KCNT2: variants seen among roughly 807,000 people sequenced by gnomAD.
KCNT2 encodes the protein potassium sodium-activated channel subfamily T member 2.
In KCNT2, 67 loss-of-function variants were observed where a neutral mutation model predicts 153.8. That is an observed-to-expected ratio of 0.44 (90% CI 0.36 to 0.53). KCNT2 has a LOEUF of 0.53. Ranked by LOEUF, KCNT2 falls within the 20% of genes least tolerant of loss-of-function variation. The pLI is 0.00. For missense variants in KCNT2, 975 were observed against 1,354.8 expected (o/e 0.72, Z 4.40); for synonymous variants, 500 against 458.8 (o/e 1.09, Z -1.15).
At chr1:196,499,780 G>A (rs779474232) in intron 1 of KCNT2, among the ~76,000 whole-genome samples, 1 of 152,048 alleles carries the variant, frequency 6.6e-6, no homozygotes, top group Non-Finnish European at 1.5e-5. Flanking sequence ...TTTAATAAAT[G>A]TTTATAAAGT....
Position 196,383,325 on chromosome 1 carries a change from CTA to C in KCNT2, c.1295-10079_1295-10078del, listed in dbSNP as rs576525696. On this transcript the variant is annotated intron_variant, in intron 13 of 27. Transcript: ENST00000294725. ...CCAAACTATGTATATGCTTAGTAGT[CTA>C]TATGTTTTCCAAAGAGACAGTCCAC... 1.4e-4 allele frequency among the ~76,000 whole-genome samples: 21 copies of C among 152,256 alleles called. No homozygotes were observed. In the South Asian group the frequency reaches 3.1e-3, roughly 23 times the overall value.
chr1:196,228,407 C>T, intron 27 of KCNT2, 72 bp from the exon 28 acceptor site: 1 of 746,764 alleles, frequency 1.3e-6, no homozygotes. Flanking sequence ...ACTGACACTT[C>T]ATATTTCTAA....
chr1:196,547,482 A>T (rs1657262010), intron 1 of KCNT2, among the ~76,000 whole-genome samples: 1 of 152,026 alleles, frequency 6.6e-6, no homozygotes, highest in Non-Finnish European at 1.5e-5. Context: ...GACTTGTAAA[A>T]TCTAATAGCT....
intron 8 of KCNT2, among the ~76,000 whole-genome samples, chr1:196,455,909 C>T (rs2148634710): frequency 6.6e-6 from 1 of 152,160 alleles, no homozygotes; most frequent in Admixed American, 6.6e-5. Context: ...CTCAGCCAAG[C>T]TCTTTAGTTC....
chr1:196,348,408 A>G lies in KCNT2; in HGVS notation c.1404-6180T>C, dbSNP rs551019015. ...ATTTAAGATGTGTTTACAGCAACTAAATGAACATTTAGGAGAAATAAGAGG... is the reference window on the plus strand; with the variant it reads ...ATTTAAGATGTGTTTACAGCAACTAGATGAACATTTAGGAGAAATAAGAGG... On this transcript the variant is annotated intron_variant, in intron 14 of 27. Coordinates refer to ENST00000294725, the MANE Select transcript of KCNT2 (RefSeq NM_198503.5). 3.9e-5 allele frequency among the ~76,000 whole-genome samples: 6 copies of G among 152,268 alleles called. No homozygotes were observed. In the South Asian group the frequency reaches 8.3e-4, roughly 21 times the overall value.
At chr1:196,321,448 A>G (rs1218373208) in intron 19 of KCNT2, among the ~76,000 whole-genome samples, 2 of 152,004 alleles carry the variant, frequency 1.3e-5, no homozygotes, top group East Asian at 3.9e-4. Flanking sequence ...TGCTTTGTCT[A>G]GCAGAGAATA....
intron 1 of KCNT2, among the ~76,000 whole-genome samples, chr1:196,506,912 T>C (rs1301764703): frequency 6.6e-6 from 1 of 152,202 alleles, no homozygotes; most frequent in Admixed American, 6.5e-5. Flanking sequence ...AATGACTGCA[T>C]ATCATTTCTC....
Position 196,301,931 on chromosome 1 carries a change from G to C in KCNT2, c.2595+3303C>G, listed in dbSNP as rs145970770. Among the ~76,000 whole-genome samples, 557 of 152,074 alleles carry C rather than the reference G, an allele frequency of 3.7e-3. 3 individuals are homozygous for C. The highest frequency in any genetic ancestry group is 0.013 in the African/African-American group (520 of 41,492). ...ATTTTTGTATTATTAGTAGAGACAG[G>C]GTTTTACCATGTTGGCCACGCTGGT... On this transcript the variant is annotated intron_variant, in intron 22 of 27. Coordinates refer to ENST00000294725, the MANE Select transcript of KCNT2 (RefSeq NM_198503.5).
intron 1 of KCNT2, among the ~76,000 whole-genome samples, chr1:196,599,708 A>G (rs1664497861): frequency 6.6e-6 from 1 of 152,198 alleles, no homozygotes; most frequent in Admixed American, 6.5e-5. Context: ...ATGCTTGACA[A>G]TTGGGTTCTG....
intron 1 of KCNT2, among the ~76,000 whole-genome samples, chr1:196,593,422 T>C (rs1663657493): frequency 6.6e-6 from 1 of 151,680 alleles, no homozygotes; most frequent in Non-Finnish European, 1.5e-5. Context: ...TGATTCCAAA[T>C]TTTTTCAATT....
At chr1:196,597,355 T>A (rs1664210217) in intron 1 of KCNT2, among the ~76,000 whole-genome samples, 1 of 151,552 alleles carries the variant, frequency 6.6e-6, no homozygotes. Context: ...ATATAATCAA[T>A]CTGTAACCTC....
chr1:196,465,351 CAG>C lies in KCNT2; in HGVS notation c.578_579del (p.Ser193CysfsTer4). 6.2e-7 allele frequency: 1 copy of C among 1,608,782 alleles called. No homozygotes were observed. Among genetic ancestry groups the C allele is most frequent in the Non-Finnish European group, 8.5e-7 (1 of 1,175,848 alleles). On this transcript the variant is annotated frameshift_variant, in exon 8 of 28. Transcript: ENST00000294725. LOFTEE classifies it high-confidence loss of function. The part of the protein sequence containing the change: ...DLHRAIQRTQ[S>X]AMFNQVLILI... ...AAAATCAAAACTTGATTAAACATTG[CAG>C]ACTGTGTACGCTGAATGGCTCTGTG...
intron 5 of KCNT2, among the ~76,000 whole-genome samples, chr1:196,471,667 T>C (rs1678119019): frequency 1.3e-5 from 2 of 152,206 alleles, no homozygotes; most frequent in Non-Finnish European, 2.9e-5. Context: ...AAAATTCGTA[T>C]GAACTGTGGC....
At chr1:196,273,462 A>C in intron 25 of KCNT2, 4 of 1,527,480 alleles carry the variant, frequency 2.6e-6, no homozygotes, top group Non-Finnish European at 3.5e-6. Flanking sequence ...AACAGAAAAT[A>C]CTTACTTGTG....
At position 196,518,213 on chromosome 1, in the gene KCNT2, C is replaced by T. The variant is rs150109532; in HGVS notation, c.96-25872G>A. Among the ~76,000 whole-genome samples, 64 of 152,178 alleles carry T rather than the reference C, an allele frequency of 4.2e-4. 1 individual carries two copies. The East Asian group carries it at 0.01, about 25-fold the overall frequency. The stretch of plus-strand genomic sequence containing the variant: ...AATATGATCCTTTCCAGATCAAATG[C>T]TAAGGGAGTTTGTTACCATCAAGCC... On this transcript the variant is annotated intron_variant, in intron 1 of 27. Coordinates refer to ENST00000294725, the MANE Select transcript of KCNT2 (RefSeq NM_198503.5).
At chr1:196,313,500 T>G (rs1662395287) in intron 21 of KCNT2, among the ~76,000 whole-genome samples, 1 of 151,540 alleles carries the variant, frequency 6.6e-6, no homozygotes, top group South Asian at 2.1e-4. Flanking sequence ...ATCTGGAGGA[T>G]GATAATTAAC....
chr1:196,548,440 C>A (rs894437558), intron 1 of KCNT2, among the ~76,000 whole-genome samples: 3 of 152,052 alleles, frequency 2.0e-5, no homozygotes, highest in Non-Finnish European at 4.4e-5. Context: ...AAATGCAAAT[C>A]AAAACCACAA....
chr1:196,319,488 C>A lies in KCNT2; in HGVS notation c.2344G>T (p.Asp782Tyr). Residue 782 changes from aspartate to tyrosine, a missense_variant, in exon 20 of 28, where the codon GAC becomes TAC. Physicochemically the swap from Asp to Tyr is radical, Grantham distance 160. Transcript: ENST00000294725. ...PMVYYMVGSI[D>Y]NLDDLLRCGV... ...GCCAAAGATTTTGTCACCTACTTGT[C>A]AATAGAGCCCACCATGTAGTAAACC... 1 of 1,609,068 alleles carries A rather than the reference C, an allele frequency of 6.2e-7. No homozygotes were observed. The highest frequency in any genetic ancestry group is 1.1e-5 in the South Asian group (1 of 90,844).
chr1:196,262,218 C>G (rs1657092698), intron 25 of KCNT2, among the ~76,000 whole-genome samples: 1 of 151,920 alleles, frequency 6.6e-6, no homozygotes, highest in South Asian at 2.1e-4. Context: ...CAAAGTGACT[C>G]AATTCAACCT....
Sources: gnomAD v4.1 joint callset for allele counts (sites outside exome capture counted in the v4.1 genomes callset) on GRCh38, gnomAD v4.1.1 for gene constraint, MANE v1.5 for transcripts, NCBI Gene and HGNC (gene_info 2026-07-23, HGNC 2026-07-21) for gene names.